Variants in DCAF6 observed in about 807,000 individuals in gnomAD.
The protein encoded by DCAF6 is DDB1- and CUL4-associated factor 6.
DCAF6 carries 54 observed loss-of-function variants against 125.1 expected under a neutral mutation model. That is an observed-to-expected ratio of 0.43 (90% CI 0.35 to 0.54). The LOEUF is 0.54. DCAF6 is among the 20% of genes least tolerant of loss of function. The pLI is 0.01. For missense variants in DCAF6, 934 were observed against 1,161.7 expected (o/e 0.80, Z 2.85); for synonymous variants, 371 against 390.4 (o/e 0.95, Z 0.58).
chr1:167,899,557 G>A, the DCAF6 span: 1 of 1,614,218 alleles, frequency 6.2e-7, no homozygotes, highest in Non-Finnish European at 8.5e-7. Flanking sequence ...TCCACTGCCT[G>A]ACCAATCACC....
chr1:167,982,648 G>C (rs1432139506), intron 4 of DCAF6, among the ~76,000 whole-genome samples: 1 of 152,124 alleles, frequency 6.6e-6, no homozygotes, highest in African/African-American at 2.4e-5. Flanking sequence ...TTGCTGTGCA[G>C]AGCTTTTTAG....
intron 4 of DCAF6, among the ~76,000 whole-genome samples, chr1:167,985,499 ACT>A (rs1301613529): frequency 2.6e-5 from 4 of 151,576 alleles, no homozygotes; most frequent in Non-Finnish European, 5.9e-5. Flanking sequence ...TCCTTCTCTG[ACT>A]CTGACTCTCC....
At chr1:167,971,275 C>CT (rs1677262060) in intron 3 of DCAF6, among the ~76,000 whole-genome samples, 1 of 152,098 alleles carries the variant, frequency 6.6e-6, no homozygotes, top group Non-Finnish European at 1.5e-5. Flanking sequence ...GTGGATAACT[C>CT]TATTATTATA....
At chr1:168,001,204 A>C (rs898099829) in intron 7 of DCAF6, among the ~76,000 whole-genome samples, 3 of 152,036 alleles carry the variant, frequency 2.0e-5, no homozygotes, top group Non-Finnish European at 2.9e-5. Flanking sequence ...GTGGCTGGAG[A>C]TCTTATTAGC....
At chr1:167,901,804 A>G in the DCAF6 span, 2 of 1,614,148 alleles carry the variant, frequency 1.2e-6, no homozygotes, top group South Asian at 1.1e-5. Flanking sequence ...GCAGTGCATC[A>G]CCTTCAGAGA....
chr1:168,047,015 A>G lies in DCAF6; in HGVS notation c.2258+1788A>G, dbSNP rs535956077. Among the ~76,000 whole-genome samples the G allele has an allele frequency of 4.3e-4, 65 of 152,252 alleles. 1 individual carries two copies. Among genetic ancestry groups the G allele is most frequent in the African/African-American group, 1.5e-3 (64 of 41,588 alleles). Reference sequence around the variant, plus strand: ...TCTATGCAGGCTAATTATAACACTTAATACCAAGCCTGCTTTATAGCTGAG... The same window carrying G: ...TCTATGCAGGCTAATTATAACACTTGATACCAAGCCTGCTTTATAGCTGAG... On this transcript the variant is annotated intron_variant, in intron 16 of 21. Coordinates refer to ENST00000367840, the MANE Select transcript of DCAF6 (RefSeq NM_001198956.2).
rs754717069 is a variant in DCAF6, at chr1:167,991,258, A to G, written c.607A>G (p.Ile203Val). ...CACGTCTGTTGCTATTTGCCCACCA[A>G]TACCATATTACCTTGCTGTTGGTTG... ...AATSVAICPP[I>V]PYYLAVGCSD... Residue 203 changes from isoleucine to valine, a missense_variant, in exon 6 of 22, where the codon ATA becomes GTA. Around this residue, in one of 5 missense-constraint regions of DCAF6, gnomAD observed 309 missense variants for 381.2 expected, o/e 0.81. Coordinates refer to ENST00000367840, the MANE Select transcript of DCAF6 (RefSeq NM_001198956.2). 2.5e-6 allele frequency: 4 copies of G among 1,613,350 alleles called. No homozygotes were observed. The highest frequency in any genetic ancestry group is 4.5e-5 in the East Asian group (2 of 44,846).
At chr1:167,964,591 T>C (rs972993276) in intron 2 of DCAF6, among the ~76,000 whole-genome samples, 1 of 152,218 alleles carries the variant, frequency 6.6e-6, no homozygotes, top group Non-Finnish European at 1.5e-5. Flanking sequence ...TTTCTCACAT[T>C]CATTTGGAGG....
chr1:168,024,538 G>A (rs1319579655), intron 12 of DCAF6, among the ~76,000 whole-genome samples: 2 of 152,074 alleles, frequency 1.3e-5, no homozygotes, highest in African/African-American at 4.8e-5. Context: ...AGGCGTGGTG[G>A]CCCACACCTG....
the DCAF6 span, among the ~76,000 whole-genome samples, chr1:167,887,466 G>T: frequency 1.2e-4 from 19 of 152,078 alleles, no homozygotes; most frequent in Admixed American, 9.2e-4. Flanking sequence ...AACACCACAT[G>T]TTCTCACTCA....
the DCAF6 span, among the ~76,000 whole-genome samples, chr1:167,904,147 G>C: frequency 6.7e-6 from 1 of 149,024 alleles, no homozygotes; most frequent in Non-Finnish European, 1.5e-5. Flanking sequence ...GAGGGCAATG[G>C]TGTGATCTCA....
At chr1:167,961,256 G>A (rs898964167) in intron 2 of DCAF6, among the ~76,000 whole-genome samples, 3 of 151,564 alleles carry the variant, frequency 2.0e-5, no homozygotes, top group Non-Finnish European at 4.4e-5. Context: ...TGTTTTGTTT[G>A]TTTTGAAACA....
chr1:167,988,846 C>T (rs140202403), intron 5 of DCAF6, among the ~76,000 whole-genome samples: 2,790 of 151,856 alleles, frequency 0.018, 75 homozygotes, highest in African/African-American at 0.064. Context: ...TTTGGGAGGC[C>T]GAGGCAGGTG....
intron 1 of DCAF6, among the ~76,000 whole-genome samples, chr1:167,950,868 T>C (rs1673817100): frequency 6.6e-6 from 1 of 152,256 alleles, no homozygotes; most frequent in South Asian, 2.1e-4. Flanking sequence ...ATTTAAACTG[T>C]TCTGCTATTG....
Position 168,044,938 on chromosome 1 carries a change from A to G in DCAF6, c.1969A>G (p.Asn657Asp). 4 of 1,614,080 alleles carry G rather than the reference A, an allele frequency of 2.5e-6. No homozygotes were observed. The highest frequency in any genetic ancestry group is 1.3e-5 in the African/African-American group (1 of 75,032). ...DKFTAKPLDS[N>D]SGERNDLNLD... ...GTTCACAGCCAAGCCATTGGATTCC[A>G]ACTCAGGAGAAAGAAATGACCTCAA... Residue 657 changes from asparagine to aspartate, a missense_variant, in exon 16 of 22, where the codon AAC (asparagine) becomes GAC (aspartate). Transcript: ENST00000367840.
At chr1:167,994,520 T>TA (rs1371325775) in intron 7 of DCAF6, among the ~76,000 whole-genome samples, 1 of 152,158 alleles carries the variant, frequency 6.6e-6, no homozygotes, top group Non-Finnish European at 1.5e-5. Flanking sequence ...AGGTATATTT[T>TA]ACAAAATAAA....
intron 13 of DCAF6, among the ~76,000 whole-genome samples, chr1:168,039,806 T>C (rs1688293744): frequency 6.6e-6 from 1 of 150,748 alleles, no homozygotes; most frequent in Non-Finnish European, 1.5e-5. Flanking sequence ...ATATGTGATA[T>C]TACTTTTATT....
Position 168,015,765 on chromosome 1 carries a change from T to C in DCAF6, c.1379-16T>C. The C allele has an allele frequency of 6.9e-7, 1 of 1,445,214 alleles. No individual in the cohort carries two copies. Among genetic ancestry groups the C allele is most frequent in the Non-Finnish European group, 9.2e-7 (1 of 1,092,690 alleles). The allele number at this position is 1,445,214 out of a possible 1,614,324, so 89.5% of individuals were successfully genotyped here. A position where few individuals can be genotyped will look rare whatever the true frequency, so the allele number is the denominator to read the frequency against. On this transcript the variant is annotated splice_polypyrimidine_tract_variant and intron_variant, in intron 10 of 21. Coordinates refer to ENST00000367840, the MANE Select transcript of DCAF6 (RefSeq NM_001198956.2). ...TTATTACTGTCTTTTCACCTTTCTT[T>C]TCCTATTTGTGTCAGAATTTTTAAG...
At chr1:167,915,292 C>A in the DCAF6 span, among the ~76,000 whole-genome samples, 1 of 152,158 alleles carries the variant, frequency 6.6e-6, no homozygotes, top group Non-Finnish European at 1.5e-5. Flanking sequence ...GCATTCTCCA[C>A]CCCACCTACT....
Sources: allele counts gnomAD v4.1 joint callset (sites outside exome capture counted in the v4.1 genomes callset), GRCh38; gene constraint gnomAD v4.1.1; regional missense constraint gnomAD v4.1.1; transcripts MANE v1.5; gene names NCBI Gene and HGNC (gene_info 2026-07-23, HGNC 2026-07-21).